Variants in ERLEC1 observed in about 807,000 individuals in gnomAD.
The protein encoded by ERLEC1 is ER lectin.
Under a neutral mutation model 68.0 loss-of-function variants are expected in ERLEC1, and 47 were observed. That is an observed-to-expected ratio of 0.69 (90% CI 0.55 to 0.88). The LOEUF (loss-of-function observed/expected upper bound fraction) is 0.88, where lower values mean the gene tolerates loss of function less well. Among genes scored for constraint, ERLEC1 ranks in the 40% least tolerant of loss-of-function variants. The probability of loss-of-function intolerance (pLI) is 0.00; values close to 1 mark genes in which losing one functional copy is unlikely to be tolerated. For missense variants in ERLEC1, 567 were observed against 583.8 expected (o/e 0.97, Z 0.30); for synonymous variants, 225 against 203.2 (o/e 1.11, Z -0.91).
At chr2:53,797,618 A>G in intron 4 of ERLEC1, 26 bp downstream of exon 4, 2 of 1,590,918 alleles carry the variant, frequency 1.3e-6, no homozygotes, top group African/African-American at 1.3e-5. Flanking sequence ...AAATATTATT[A>G]TGAAACATTA....
intron 3 of ERLEC1, among the ~76,000 whole-genome samples, chr2:53,796,788 G>A (rs571750705): frequency 6.6e-6 from 1 of 151,168 alleles, no homozygotes; most frequent in African/African-American, 2.4e-5. Context: ...TTAAATTCCT[G>A]TCTAGTGTAT....
intron 10 of ERLEC1, among the ~76,000 whole-genome samples, chr2:53,809,619 G>A (rs915688338): frequency 1.3e-5 from 2 of 152,092 alleles, no homozygotes; most frequent in Non-Finnish European, 2.9e-5. Flanking sequence ...GAGTGGTGCC[G>A]CATGCCTGGA....
At chr2:53,817,120 GTTGT>G (rs1191415625) in intron 13 of ERLEC1, among the ~76,000 whole-genome samples, 3 of 145,978 alleles carry the variant, frequency 2.1e-5, no homozygotes, top group Non-Finnish European at 3.0e-5. Context: ...TTTTGTTGTT[GTTGT>G]TTTTTATTTA....
In ERLEC1 at chr2:53,802,005, A is replaced by C. The variant is rs376344572; in HGVS notation, c.879+163A>C. Among the ~76,000 whole-genome samples, 14 of 152,118 alleles carry C rather than the reference A, an allele frequency of 9.2e-5. No homozygotes were observed. In the East Asian group the frequency reaches 2.7e-3, roughly 29 times the overall value. On this transcript the variant is annotated intron_variant, in intron 8 of 13. Coordinates refer to ENST00000185150, the MANE Select transcript of ERLEC1 (RefSeq NM_015701.5). The stretch of plus-strand genomic sequence containing the variant: ...TTCATTGATTTTAATCCTTTTCCTT[A>C]TTCTAGTACTACTCAAACTATTTTA...
At chr2:53,809,072 C>A in intron 9 of ERLEC1, 142 bp from the exon 10 acceptor site, 1 of 631,802 alleles carries the variant, frequency 1.6e-6, no homozygotes, top group Non-Finnish European at 2.7e-6. Context: ...TTTAATTTCT[C>A]AGTAATGTTT....
rs779946970 is a variant in ERLEC1 at position 53,817,916 on chromosome 2, T to A, written c.1399T>A (p.Cys467Ser). ...YILGVESPVICKILDTADENG... is the reference protein window; with the variant it reads ...YILGVESPVISKILDTADENG... The stretch of plus-strand genomic sequence containing the variant: ...TCTTTAGGTTGAATCTCCAGTGATC[T>A]GTAAAATCTTAGATACAGCAGATGA... The change falls in exon 14 of 14, where the codon TGT becomes AGT. Residue 467 changes from cysteine to serine, a missense_variant. Cys to Ser is a moderately radical substitution (Grantham distance 112). Coordinates refer to ENST00000185150, the MANE Select transcript of ERLEC1 (RefSeq NM_015701.5). 5.6e-6 allele frequency: 9 copies of A among 1,607,788 alleles called. No homozygotes were observed. Among genetic ancestry groups the A allele is most frequent in the Non-Finnish European group, 7.7e-6 (9 of 1,174,568 alleles).
chr2:53,801,905 C>T (rs1676027256), intron 8 of ERLEC1, 63 bp downstream of exon 8: 1 of 1,362,976 alleles, frequency 7.3e-7, no homozygotes, highest in Non-Finnish European at 1.0e-6. Context: ...GAGCATATGT[C>T]AATATTTTAA....
chr2:53,795,465 C>T (rs111456631), intron 2 of ERLEC1, among the ~76,000 whole-genome samples: 1 of 152,078 alleles, frequency 6.6e-6, no homozygotes, highest in Non-Finnish European at 1.5e-5. Flanking sequence ...CACACGCACA[C>T]GGCATTCAAA....
In ERLEC1 at chr2:53,812,332, A is replaced by C. The variant is rs569654136; in HGVS notation, c.1102-617A>C. Among the ~76,000 whole-genome samples the C allele has an allele frequency of 2.6e-5, 4 of 152,350 alleles. No individual in the cohort carries two copies. In the South Asian group the frequency reaches 8.3e-4, roughly 32 times the overall value. On this transcript the variant is annotated intron_variant, in intron 10 of 13. Coordinates refer to ENST00000185150, the MANE Select transcript of ERLEC1 (RefSeq NM_015701.5). ...GGAGGTAGGAAGGATAAGGAAGAAGAAAGAAGGAAGGATTTCCACATATAA... is the reference window on the plus strand; with the variant it reads ...GGAGGTAGGAAGGATAAGGAAGAAGCAAGAAGGAAGGATTTCCACATATAA...
In ERLEC1 at chr2:53,798,121, G is replaced by A. The variant is rs188235250; in HGVS notation, c.490+326G>A. Among the ~76,000 whole-genome samples the A allele has an allele frequency of 9.5e-3, 1,448 of 152,200 alleles. 19 individuals are homozygous for A. The highest frequency in any genetic ancestry group is 0.033 in the African/African-American group (1,375 of 41,550). ...GAGGCAGGAGCATGGCATGAACACA[G>A]GAGGCGGAGCTTGCAGTGAGCCGAG... On this transcript the variant is annotated intron_variant, in intron 5 of 13. Transcript: ENST00000185150.
intron 11 of ERLEC1, 101 bp downstream of exon 11, chr2:53,813,174 G>A (rs542294321): frequency 7.1e-7 from 1 of 1,398,780 alleles, no homozygotes; most frequent in Admixed American, 2.5e-5. Context: ...TAAAATCCCT[G>A]TTTAGTTTTT....
intron 1 of ERLEC1, among the ~76,000 whole-genome samples, chr2:53,792,159 C>T (rs1404159099): frequency 6.6e-6 from 1 of 151,586 alleles, no homozygotes; most frequent in African/African-American, 2.4e-5. Context: ...CTATCTGATC[C>T]GCCCGTTTCG....
chr2:53,810,961 G>T (rs1218401454), intron 10 of ERLEC1, among the ~76,000 whole-genome samples: 1 of 152,034 alleles, frequency 6.6e-6, no homozygotes, highest in Admixed American at 6.6e-5. Context: ...TAAATGAGAA[G>T]TATCTGTCTC....
Position 53,801,827 on chromosome 2 carries a change from T to C in ERLEC1, c.864T>C (p.Phe288=), listed in dbSNP as rs762094998. 6.2e-7 allele frequency: 1 copy of C among 1,613,626 alleles called. No homozygotes were observed. Among genetic ancestry groups the C allele is most frequent in the Admixed American group, 1.7e-5 (1 of 59,952 alleles). Residue 288 remains phenylalanine, a synonymous_variant, in exon 8 of 14, where the codon TTT becomes TTC. Coordinates refer to ENST00000185150, the MANE Select transcript of ERLEC1 (RefSeq NM_015701.5). The part of the protein sequence containing the change: ...EQQEEILRVP[F]RRNKEEDLQS... ...AGGAAGAAATACTAAGGGTGCCTTT[T>C]AGGAGAAATAAAGAGGTATGAGAAT...
At chr2:53,816,265 G>GTTT (rs57918616) in intron 13 of ERLEC1, among the ~76,000 whole-genome samples, 1 of 121,828 alleles carries the variant, frequency 8.2e-6, no homozygotes, top group African/African-American at 3.1e-5. Context: ...GTTTTGGTTG[G>GTTT]TTTTTTTTTT....
intron 1 of ERLEC1, among the ~76,000 whole-genome samples, chr2:53,791,735 C>T (rs1675402394): frequency 6.6e-6 from 1 of 151,970 alleles, no homozygotes; most frequent in Non-Finnish European, 1.5e-5. Flanking sequence ...TTTCTTTTTA[C>T]ATTTGAAGCA....
chr2:53,797,665 A>T, intron 4 of ERLEC1, 67 bp from the exon 5 acceptor site: 1 of 1,561,318 alleles, frequency 6.4e-7, no homozygotes, highest in Non-Finnish European at 8.8e-7. Flanking sequence ...TGATAGTTTT[A>T]AAGTTGTATC....
intron 11 of ERLEC1, 140 bp downstream of exon 11, chr2:53,813,213 C>T: frequency 9.9e-7 from 1 of 1,010,476 alleles, no homozygotes; most frequent in Non-Finnish European, 1.4e-6. Context: ...GGTTAGTTTT[C>T]TTTTCTTAGG....
intron 5 of ERLEC1, 95 bp downstream of exon 5, chr2:53,797,890 G>T: frequency 8.6e-7 from 1 of 1,165,604 alleles, no homozygotes. Context: ...TTTGGACATT[G>T]TGTGAATTTT....
Sources: gnomAD v4.1 joint callset for allele counts (sites outside exome capture counted in the v4.1 genomes callset) on GRCh38, gnomAD v4.1.1 for gene constraint, MANE v1.5 for transcripts, NCBI Gene and HGNC (gene_info 2026-07-23, HGNC 2026-07-21) for gene names.